Variants in NUCB1 observed in about 807,000 individuals in gnomAD.
NUCB1 encodes nucleobindin-1.
Under a neutral mutation model 61.2 loss-of-function variants are expected in NUCB1, and 47 were observed. That is an observed-to-expected ratio of 0.77 (90% CI 0.61 to 0.98). The LOEUF (loss-of-function observed/expected upper bound fraction) is 0.98, where lower values mean the gene tolerates loss of function less well. Among genes scored for constraint, NUCB1 ranks in the 50% least tolerant of loss-of-function variants. NUCB1 has a pLI of 0.00. For synonymous variants in NUCB1, 234 were observed against 243.1 expected (o/e 0.96, Z 0.35); for missense variants, 583 against 605.3 (o/e 0.96, Z 0.39).
rs375086497 is a variant in NUCB1 at position 48,921,899 on chromosome 19, C to A, written c.1246C>A (p.Pro416Thr). ...QQGHKAPAAH[P>T]EGQLKFHPDT... ...AGGCCACAAGGCCCCGGCTGCCCAC[C>A]CTGAGGGGCAGCTCAAGTTCCACCC... Residue 416 changes from proline (P) to threonine (T), a missense_variant, in exon 12 of 13, where the codon CCT becomes ACT. Pro to Thr is a conservative substitution (Grantham distance 38). Transcript: ENST00000405315. 1.1e-5 allele frequency: 17 copies of A among 1,610,762 alleles called. No homozygotes were observed. Among genetic ancestry groups the A allele is most frequent in the African/African-American group, 1.3e-5 (1 of 74,938 alleles).
chr19:48,919,152 C>A, intron 9 of NUCB1, 30 bp downstream of exon 9: 1 of 1,613,614 alleles, frequency 6.2e-7, no homozygotes, highest in South Asian at 1.1e-5. Context: ...GGGGAGAGGA[C>A]GGGCCCCCAG....
chr19:48,909,165 C>A (rs914545513), intron 4 of NUCB1, among the ~76,000 whole-genome samples: 4 of 151,970 alleles, frequency 2.6e-5, no homozygotes, highest in Non-Finnish European at 5.9e-5. Flanking sequence ...CTTCTCACTG[C>A]ATTTTCACAC....
At position 48,913,687 on chromosome 19, in the gene NUCB1, A is replaced by G. The variant is rs954896384; in HGVS notation, c.757+123A>G. The G allele has an allele frequency of 1.9e-5, 14 of 731,370 alleles. No individual in the cohort carries two copies. The African/African-American group carries it at 2.2e-4, about 12-fold the overall frequency. The allele number at this position is 731,370 out of a possible 1,614,324, so 45.3% of individuals were successfully genotyped here. On this transcript the variant is annotated intron_variant, in intron 7 of 12. Coordinates refer to ENST00000405315, the MANE Select transcript of NUCB1 (RefSeq NM_006184.6). ...TTAGTCAGGCCCAAGAGCCAAGCCT[A>G]TGTCCCCTGGTTGACCAGACAGCCC... is the stretch of plus-strand genomic sequence containing the variant.
In NUCB1 at chr19:48,915,838, A is replaced by ACCCCCCGTGTTTTGTTTTGTTTTCTG. The variant is rs1600064424; in HGVS notation, c.757+2274_757+2275insCCCCCCGTGTTTTGTTTTGTTTTCTG. Among the ~76,000 whole-genome samples the ACCCCCCGTGTTTTGTTTTGTTTTCTG allele has an allele frequency of 4.0e-5, 6 of 151,526 alleles. No individual in the cohort carries two copies. The East Asian group carries it at 1.2e-3, about 29-fold the overall frequency. ...TTTTGTTTTGTTTTTTTTTTGAGAC[A>ACCCCCCGTGTTTTGTTTTGTTTTCTG]GGATCTTGCTATGTTGCCCAGGCTG... is the stretch of plus-strand genomic sequence containing the variant. On this transcript the variant is annotated intron_variant, in intron 7 of 12. Coordinates refer to ENST00000405315, the MANE Select transcript of NUCB1 (RefSeq NM_006184.6).
chr19:48,900,656 T>A (rs914587266), intron 1 of NUCB1, 130 bp from the exon 2 acceptor site: 2 of 1,267,764 alleles, frequency 1.6e-6, no homozygotes, highest in African/African-American at 1.5e-5. Context: ...TCCTGGGGCC[T>A]GGGTAACAAA....
In NUCB1 at chr19:48,904,404, G is replaced by T. The variant is rs1235531059; in HGVS notation, c.193G>T (p.Asp65Tyr). ...LQEVIDVLETDGHFREKLQAA... is the reference protein window; with the variant it reads ...LQEVIDVLETYGHFREKLQAA... ...GGAGGTCATCGATGTACTGGAGACG[G>T]ATGGGCATTTCCGAGAGAAGCTGCA... The change falls in exon 3 of 13, where the codon GAT (aspartate) becomes TAT (tyrosine). Residue 65 changes from aspartate (D) to tyrosine (Y), a missense_variant. Physicochemically the swap from Asp to Tyr is radical, Grantham distance 160 (BLOSUM62 -3). Coordinates refer to ENST00000405315, the MANE Select transcript of NUCB1 (RefSeq NM_006184.6). 5 of 1,613,620 alleles carry T rather than the reference G, an allele frequency of 3.1e-6. No homozygotes were observed. Among genetic ancestry groups the T allele is most frequent in the Middle Eastern group, 1.7e-4 (1 of 6,058 alleles).
At chr19:48,910,987 T>C (rs1292060230) in intron 4 of NUCB1, 162 bp from the exon 5 acceptor site, 1 of 590,602 alleles carries the variant, frequency 1.7e-6, no homozygotes, top group Non-Finnish European at 3.0e-6. Flanking sequence ...GACTCAGTCG[T>C]GGGATCACCT....
Position 48,913,567 on chromosome 19 carries a change from A to G in NUCB1, c.757+3A>G. ...CAAGACCTTCTTCATACTGCATGGTAAGGTGGGGAGGGAGTTCCAGAGCCA... is the reference window on the plus strand; with the variant it reads ...CAAGACCTTCTTCATACTGCATGGTGAGGTGGGGAGGGAGTTCCAGAGCCA... On this transcript the variant is annotated splice_donor_region_variant and intron_variant, in intron 7 of 12. Coordinates refer to ENST00000405315, the MANE Select transcript of NUCB1 (RefSeq NM_006184.6). 22 of 1,612,152 alleles carry G rather than the reference A, an allele frequency of 1.4e-5. No individual in the cohort carries two copies. The highest frequency in any genetic ancestry group is 1.9e-5 in the Non-Finnish European group (22 of 1,178,248).
At chr19:48,916,224 G>A (rs1487477966) in intron 7 of NUCB1, among the ~76,000 whole-genome samples, 2 of 150,424 alleles carry the variant, frequency 1.3e-5, no homozygotes, top group African/African-American at 5.0e-5. Context: ...TTAGCATAAT[G>A]GTGAGGAACT....
chr19:48,902,995 C>T (rs749051063), intron 2 of NUCB1, among the ~76,000 whole-genome samples: 11 of 151,468 alleles, frequency 7.3e-5, no homozygotes, highest in Admixed American at 5.3e-4. Context: ...CAGGCTGAAG[C>T]GCAGTGGCAG....
chr19:48,917,923 A>G (rs1278648518), intron 7 of NUCB1, among the ~76,000 whole-genome samples: 1 of 151,480 alleles, frequency 6.6e-6, no homozygotes, highest in Non-Finnish European at 1.5e-5. Flanking sequence ...TACAGGCATG[A>G]GCCCCTAAAT....
chr19:48,901,744 G>A (rs2037355338), intron 2 of NUCB1, among the ~76,000 whole-genome samples: 1 of 152,182 alleles, frequency 6.6e-6, no homozygotes, highest in South Asian at 2.1e-4. Flanking sequence ...ACTCCAGCCT[G>A]GGCAACAGAG....
rs760220768 is a variant in NUCB1 at position 48,921,386 on chromosome 19, A to G, written c.1173+62A>G. On this transcript the variant is annotated intron_variant, in intron 11 of 12. Transcript: ENST00000405315. ...TCTGGCTGCCCGTGTCCGTGTCCCC[A>G]TGGGTGTCCAGAAGCTGGGAAGGCC... is the stretch of plus-strand genomic sequence containing the variant. 14 of 1,529,240 alleles carry G rather than the reference A, an allele frequency of 9.2e-6. No homozygotes were observed. In the South Asian group the frequency reaches 1.2e-4, roughly 13 times the overall value. The allele number at this position is 1,529,240 out of a possible 1,614,324, so 94.7% of individuals were successfully genotyped here.
At chr19:48,918,979 GA>G (rs2037573384) in intron 8 of NUCB1, 50 bp from the exon 9 acceptor site, 1 of 1,563,844 alleles carries the variant, frequency 6.4e-7, no homozygotes, top group African/African-American at 1.4e-5. Context: ...TGTCGGGAAT[GA>G]GCTCGCTGGG....
chr19:48,902,428 T>C (rs987646073), intron 2 of NUCB1, among the ~76,000 whole-genome samples: 1 of 146,734 alleles, frequency 6.8e-6, no homozygotes, highest in Non-Finnish European at 1.5e-5. Flanking sequence ...TTCTTTTTTT[T>C]TTTTTTTTTT....
intron 11 of NUCB1, 83 bp downstream of exon 11, chr19:48,921,407 A>C: frequency 6.9e-7 from 1 of 1,452,386 alleles, no homozygotes; most frequent in Admixed American, 2.0e-5. Context: ...GAAGCTGGGA[A>C]GGCCTGTGGC....
At position 48,905,845 on chromosome 19, in the gene NUCB1, G is replaced by A. The variant is rs371520715; in HGVS notation, c.336G>A (p.Arg112=). 4 of 1,446,922 alleles carry A rather than the reference G, an allele frequency of 2.8e-6. No individual in the cohort carries two copies. Among genetic ancestry groups the A allele is most frequent in the East Asian group, 6.9e-5 (2 of 29,194 alleles). The allele number at this position is 1,446,922 out of a possible 1,614,324, so 89.6% of individuals were successfully genotyped here. A position where few individuals can be genotyped will look rare whatever the true frequency, so the allele number is the denominator to read the frequency against. Residue 112 remains arginine (R), a synonymous_variant, in exon 4 of 13, where the codon CGG becomes CGA. Transcript: ENST00000405315. ...AGCGACAGGAGGTGTCACGGCTGCGGATGCTGCTCAAGGCCAAGATGGACG... is the reference window on the plus strand; with the variant it reads ...AGCGACAGGAGGTGTCACGGCTGCGAATGCTGCTCAAGGCCAAGATGGACG... ...ELKRQEVSRL[R]MLLKAKMDAE...
At chr19:48,913,323 G>A in intron 6 of NUCB1, 127 bp downstream of exon 6, 1 of 1,214,022 alleles carries the variant, frequency 8.2e-7, no homozygotes, top group Non-Finnish European at 1.2e-6. Flanking sequence ...TACTGTACCT[G>A]GCTGCCCCAG....
At chr19:48,918,934 G>A in intron 8 of NUCB1, 96 bp from the exon 9 acceptor site, 1 of 1,369,534 alleles carries the variant, frequency 7.3e-7, no homozygotes, top group Non-Finnish European at 1.0e-6. Context: ...TCCCAGGAGT[G>A]GTAGCGTGCC....
Sources: gnomAD v4.1 joint callset for allele counts (sites outside exome capture counted in the v4.1 genomes callset) on GRCh38, gnomAD v4.1.1 for gene constraint, MANE v1.5 for transcripts, NCBI Gene and HGNC (gene_info 2026-07-23, HGNC 2026-07-21) for gene names.